AUTS2: variants seen among roughly 807,000 people sequenced by gnomAD.
AUTS2 encodes activator of transcription and developmental regulator AUTS2, also known as autism susceptibility gene 2 protein.
In AUTS2, 17 loss-of-function variants were observed where a neutral mutation model predicts 112.4. The observed-to-expected ratio is 0.15, with a 90% confidence interval of 0.10 to 0.23. AUTS2 has a LOEUF of 0.23. AUTS2 is among the 10% of genes least tolerant of loss of function. The pLI, the probability that AUTS2 is intolerant of heterozygous loss-of-function variation, is 1.00. For missense variants in AUTS2, 1,510 were observed against 1,701.6 expected (o/e 0.89, Z 1.98); for synonymous variants, 751 against 702.7 (o/e 1.07, Z -1.09).
intron 2 of AUTS2, among the ~76,000 whole-genome samples, chr7:69,916,700 C>A (rs1173867076): frequency 6.6e-6 from 1 of 152,120 alleles, no homozygotes; most frequent in East Asian, 1.9e-4. Flanking sequence ...TTCCCCTCTT[C>A]CCCCCATTCT....
rs1287023573 is a variant in AUTS2, at chr7:70,790,261, C to G, written c.3045C>G (p.His1015Gln). ...PPPPNSSSSVHPGPLASMPMT... is the reference protein window; with the variant it reads ...PPPPNSSSSVQPGPLASMPMT... ...CTCCCAACTCCTCGTCCAGCGTGCACCCGGGGCCCCTGGCCTCGATGCCCA... is the reference window on the plus strand; with the variant it reads ...CTCCCAACTCCTCGTCCAGCGTGCAGCCGGGGCCCCTGGCCTCGATGCCCA... Residue 1015 changes from histidine to glutamine, a missense_variant, in exon 19 of 19, where the codon CAC becomes CAG. By Grantham distance (24) the His-to-Gln change is conservative (BLOSUM62 0). Coordinates refer to ENST00000342771, the MANE Select transcript of AUTS2 (RefSeq NM_015570.4). The surrounding 1 kb of genome is among the most constrained non-coding windows in gnomAD (Gnocchi z 7.6). 1.2e-6 allele frequency: 2 copies of G among 1,613,100 alleles called. No individual in the cohort carries two copies. The highest frequency in any genetic ancestry group is 4.5e-5 in the East Asian group (2 of 44,834).
rs75082998 is a variant in AUTS2, at chr7:70,306,782, C to G, written c.661-128970C>G. On this transcript the variant is annotated intron_variant, in intron 4 of 18. Coordinates refer to ENST00000342771, the MANE Select transcript of AUTS2 (RefSeq NM_015570.4). ...TTGCAGAGTGCCTGGCCACCAGGTC[C>G]GTAATCGCTGGAGGTTTGATTAGAT... Among the ~76,000 whole-genome samples the G allele has an allele frequency of 8.8e-3, 1,334 of 152,240 alleles. 23 individuals carry two copies. Among genetic ancestry groups the G allele is most frequent in the African/African-American group, 0.031 (1,271 of 41,546 alleles).
intron 6 of AUTS2, among the ~76,000 whole-genome samples, chr7:70,742,715 T>G (rs1788189955): frequency 6.6e-6 from 1 of 152,118 alleles, no homozygotes; most frequent in Admixed American, 6.5e-5. Context: ...TGAGCCGAGA[T>G]CGCGCCCTTG....
chr7:69,606,303 A>C (rs1792711396), intron 1 of AUTS2, among the ~76,000 whole-genome samples: 1 of 152,240 alleles, frequency 6.6e-6, no homozygotes. Flanking sequence ...ATTAGAAATG[A>C]GGTCCCCAGA....
intron 1 of AUTS2, among the ~76,000 whole-genome samples, chr7:69,614,314 C>CTTTCTTTCTT (rs1468098088): frequency 6.4e-4 from 53 of 83,412 alleles, no homozygotes; most frequent in South Asian, 9.5e-4. Flanking sequence ...CACTCTCCGT[C>CTTTCTTTCTT]TCTTTCTTTC....
At chr7:70,691,292 G>A (rs1171139625) in intron 5 of AUTS2, among the ~76,000 whole-genome samples, 1 of 152,062 alleles carries the variant, frequency 6.6e-6, no homozygotes, top group Non-Finnish European at 1.5e-5. Context: ...GAGGCTAAAG[G>A]TGATGTTAAG....
chr7:70,738,648 G>T (rs1406457580), intron 6 of AUTS2, among the ~76,000 whole-genome samples: 2 of 152,120 alleles, frequency 1.3e-5, no homozygotes, highest in Non-Finnish European at 2.9e-5. Flanking sequence ...GATCTTTAAT[G>T]CATGGCGCAA....
intron 5 of AUTS2, among the ~76,000 whole-genome samples, chr7:70,471,460 T>C (rs1390483303): frequency 1.3e-5 from 2 of 152,186 alleles, no homozygotes; most frequent in Admixed American, 6.5e-5. Context: ...CTCTGAGATA[T>C]GTAAGAAAAT....
At chr7:70,490,647 CT>C (rs1400640170) in intron 5 of AUTS2, among the ~76,000 whole-genome samples, 1 of 152,114 alleles carries the variant, frequency 6.6e-6, no homozygotes, top group Non-Finnish European at 1.5e-5. Flanking sequence ...TAATGCTTGG[CT>C]TTCAGGGCAC....
At chr7:69,949,680 A>G (rs2129545804) in intron 2 of AUTS2, among the ~76,000 whole-genome samples, 1 of 152,278 alleles carries the variant, frequency 6.6e-6, no homozygotes, top group East Asian at 1.9e-4. Flanking sequence ...TCATTTTTTC[A>G]AGATCTGAGT....
At chr7:70,442,965 T>G (rs984048396) in intron 5 of AUTS2, among the ~76,000 whole-genome samples, 3 of 152,198 alleles carry the variant, frequency 2.0e-5, no homozygotes, top group Non-Finnish European at 4.4e-5. Flanking sequence ...ATACTATCCT[T>G]GGATTAAATT....
At chr7:70,175,553 G>C (rs1808941397) in intron 4 of AUTS2, among the ~76,000 whole-genome samples, 1 of 152,144 alleles carries the variant, frequency 6.6e-6, no homozygotes, top group Admixed American at 6.6e-5. Context: ...GTCAGTTGAT[G>C]GAGCAAACTT....
intron 1 of AUTS2, among the ~76,000 whole-genome samples, chr7:69,786,280 T>C (rs1789370570): frequency 6.6e-6 from 1 of 152,052 alleles, no homozygotes; most frequent in South Asian, 2.1e-4. Context: ...TCTGTTAAAA[T>C]GCACCAATCA....
intron 4 of AUTS2, among the ~76,000 whole-genome samples, chr7:70,222,061 A>G (rs1180390263): frequency 1.3e-5 from 2 of 152,188 alleles, no homozygotes; most frequent in Non-Finnish European, 2.9e-5. Context: ...AAATATCTGT[A>G]TGTATATTCT....
intron 1 of AUTS2, among the ~76,000 whole-genome samples, chr7:69,828,914 C>T (rs1433522286): frequency 6.6e-6 from 1 of 152,120 alleles, no homozygotes; most frequent in Admixed American, 6.5e-5. Context: ...TCCTGATGAA[C>T]TTGTATTTCT....
intron 5 of AUTS2, among the ~76,000 whole-genome samples, chr7:70,646,824 G>A (rs1806195689): frequency 1.3e-5 from 2 of 152,230 alleles, no homozygotes. Context: ...CAGAAGCTGG[G>A]GCCAGGACCG....
intron 4 of AUTS2, among the ~76,000 whole-genome samples, chr7:70,171,886 A>G (rs1011829797): frequency 5.5e-5 from 8 of 144,346 alleles, no homozygotes; most frequent in Non-Finnish European, 1.2e-4. Context: ...AGTCTTTATT[A>G]TAAACAAGTT....
chr7:69,816,862 T>C lies in AUTS2; in HGVS notation c.310-82424T>C, dbSNP rs148707224. Among the ~76,000 whole-genome samples the C allele has an allele frequency of 2.2e-3, 330 of 152,246 alleles. 1 individual carries two copies. Among genetic ancestry groups the C allele is most frequent in the African/African-American group, 7.6e-3 (316 of 41,548 alleles). On this transcript the variant is annotated intron_variant, in intron 1 of 18. Coordinates refer to ENST00000342771, the MANE Select transcript of AUTS2 (RefSeq NM_015570.4). Reference sequence around the variant, plus strand: ...CTTTATACTGCAGCTACTTACCTGCTCAAAGTATGTCATTCACTCATTCGT... The same window carrying C: ...CTTTATACTGCAGCTACTTACCTGCCCAAAGTATGTCATTCACTCATTCGT...
At chr7:70,234,316 G>A (rs1389376057) in intron 4 of AUTS2, among the ~76,000 whole-genome samples, 1 of 152,032 alleles carries the variant, frequency 6.6e-6, no homozygotes, top group Non-Finnish European at 1.5e-5. Context: ...TTTAGAACTG[G>A]CGTTCATTGA....
Sources: gnomAD v4.1 joint callset for allele counts (sites outside exome capture counted in the v4.1 genomes callset) on GRCh38, gnomAD v4.1.1 for gene constraint, Gnocchi (gnomAD v3.1) non-coding constraint, MANE v1.5 for transcripts, NCBI Gene and HGNC (gene_info 2026-07-23, HGNC 2026-07-21) for gene names.